SHISA6: variants seen among roughly 807,000 people sequenced by gnomAD.
The protein encoded by SHISA6 is shisa family member 6.
SHISA6 carries 22 observed loss-of-function variants against 47.9 expected under a neutral mutation model. The observed-to-expected ratio is 0.46, with a 90% CI of 0.33 to 0.66. SHISA6 has a LOEUF of 0.66. Ranked by LOEUF, SHISA6 falls within the 30% of genes least tolerant of loss-of-function variation. The pLI is 0.02. For missense variants in SHISA6, 680 were observed against 764.6 expected (o/e 0.89, Z 1.30); for synonymous variants, 388 against 337.8 (o/e 1.15, Z -1.63).
intron 3 of SHISA6, among the ~76,000 whole-genome samples, chr17:11,518,096 T>G (rs553350482): frequency 2.0e-5 from 3 of 152,254 alleles, no homozygotes; most frequent in Admixed American, 2.0e-4. Flanking sequence ...AGGCCACACA[T>G]GCAGAGGTGG....
At chr17:11,389,194 C>T (rs205060) in intron 3 of SHISA6, among the ~76,000 whole-genome samples, 59,912 of 151,806 alleles carry the variant, frequency 0.39, 12,713 homozygotes, top group East Asian at 0.64. Flanking sequence ...CACTCATATC[C>T]CTGTTTAATG....
At chr17:11,286,185 C>T (rs968152557) in intron 2 of SHISA6, among the ~76,000 whole-genome samples, 1 of 151,982 alleles carries the variant, frequency 6.6e-6, no homozygotes, top group African/African-American at 2.4e-5. Flanking sequence ...TCAGAGTGGC[C>T]TCACCCCTGC....
At chr17:11,508,234 G>A (rs1326008486) in intron 3 of SHISA6, among the ~76,000 whole-genome samples, 2 of 152,194 alleles carry the variant, frequency 1.3e-5, no homozygotes, top group African/African-American at 2.4e-5. Context: ...CACAGTCTGG[G>A]TAACTGACAC....
intron 2 of SHISA6, among the ~76,000 whole-genome samples, chr17:11,272,656 C>A (rs1194995014): frequency 6.6e-6 from 1 of 152,184 alleles, no homozygotes; most frequent in African/African-American, 2.4e-5. Flanking sequence ...GCATAGCTCA[C>A]CTGACAATCT....
chr17:11,319,073 TG>T (rs1269589550), intron 2 of SHISA6, among the ~76,000 whole-genome samples: 60 of 87,724 alleles, frequency 6.8e-4, no homozygotes, highest in Middle Eastern at 7.0e-3. Flanking sequence ...TTTCTTCTTA[TG>T]TTTTTTTTTT....
chr17:11,545,498 T>C (rs2071875820), intron 3 of SHISA6, among the ~76,000 whole-genome samples: 1 of 152,234 alleles, frequency 6.6e-6, no homozygotes, highest in Non-Finnish European at 1.5e-5. Flanking sequence ...ATTCTGATTT[T>C]GATATAGTAC....
At chr17:11,552,273 A>G (rs2071938427) in intron 4 of SHISA6, among the ~76,000 whole-genome samples, 5 of 152,172 alleles carry the variant, frequency 3.3e-5, no homozygotes. Context: ...GGAGTGGAAC[A>G]CCCTCCTTTG....
chr17:11,499,695 T>G (rs1257991306), intron 3 of SHISA6, among the ~76,000 whole-genome samples: 3 of 148,362 alleles, frequency 2.0e-5, no homozygotes, highest in Admixed American at 6.6e-5. Flanking sequence ...TTTTTTTTTT[T>G]TTTTTGTTGT....
At chr17:11,483,162 G>C (rs1003595776) in intron 3 of SHISA6, among the ~76,000 whole-genome samples, 6 of 152,078 alleles carry the variant, frequency 3.9e-5, no homozygotes, top group Non-Finnish European at 8.8e-5. Flanking sequence ...TTAGCTGGGT[G>C]TGGTGGCACG....
At chr17:11,277,872 G>A (rs535896959) in intron 2 of SHISA6, among the ~76,000 whole-genome samples, 23 of 152,212 alleles carry the variant, frequency 1.5e-4, no homozygotes, top group South Asian at 4.1e-4. Flanking sequence ...ATCATACCTC[G>A]TTTCTTTAAG....
chr17:11,500,775 T>G (rs1597553885), intron 3 of SHISA6, among the ~76,000 whole-genome samples: 1 of 152,218 alleles, frequency 6.6e-6, no homozygotes, highest in Admixed American at 6.5e-5. Context: ...TGGTGGCTGG[T>G]GTGTTGCAAT....
chr17:11,543,415 A>G (rs1343759708), intron 3 of SHISA6, among the ~76,000 whole-genome samples: 2 of 152,194 alleles, frequency 1.3e-5, no homozygotes, highest in Non-Finnish European at 2.9e-5. Flanking sequence ...TAGAAGAGCC[A>G]CTAAGAAAAC....
At chr17:11,284,607 A>T (rs1909232283) in intron 2 of SHISA6, among the ~76,000 whole-genome samples, 4 of 152,246 alleles carry the variant, frequency 2.6e-5, no homozygotes, top group Admixed American at 2.6e-4. Flanking sequence ...CTCTCTCTGT[A>T]TGGGTTCAAA....
At chr17:11,319,267 CG>C (rs1188042383) in intron 2 of SHISA6, among the ~76,000 whole-genome samples, 13 of 151,918 alleles carry the variant, frequency 8.6e-5, no homozygotes, top group African/African-American at 3.1e-4. Flanking sequence ...TTAGTGGAGA[CG>C]GGGTTTCACC....
intron 2 of SHISA6, among the ~76,000 whole-genome samples, chr17:11,350,521 A>G (rs1271008449): frequency 1.3e-5 from 2 of 151,986 alleles, no homozygotes; most frequent in Non-Finnish European, 2.9e-5. Context: ...AACCAAACCA[A>G]GAGCCTCATC....
At chr17:11,468,174 C>G (rs568036848) in intron 3 of SHISA6, among the ~76,000 whole-genome samples, 2 of 151,918 alleles carry the variant, frequency 1.3e-5, no homozygotes, top group East Asian at 1.9e-4. Flanking sequence ...GCCCATTCCA[C>G]CCCCCAGGCC....
At chr17:11,366,887 G>T (rs1381574741) in intron 2 of SHISA6, among the ~76,000 whole-genome samples, 1 of 152,166 alleles carries the variant, frequency 6.6e-6, no homozygotes, top group African/African-American at 2.4e-5. Context: ...ATATGTTGAA[G>T]TCCGAATTGC....
intron 3 of SHISA6, among the ~76,000 whole-genome samples, chr17:11,433,192 A>G (rs1914839457): frequency 6.6e-6 from 1 of 152,052 alleles, no homozygotes; most frequent in Admixed American, 6.6e-5. Flanking sequence ...TCAACCCGTC[A>G]TCTACATCAA....
chr17:11,415,476 G>A (rs1914254594), intron 3 of SHISA6, among the ~76,000 whole-genome samples: 1 of 152,120 alleles, frequency 6.6e-6, no homozygotes, highest in African/African-American at 2.4e-5. Flanking sequence ...GACTCACTGG[G>A]CTTATGTCCC....
Sources: gnomAD v4.1 joint callset for allele counts (sites outside exome capture counted in the v4.1 genomes callset) on GRCh38, gnomAD v4.1.1 for gene constraint, MANE v1.5 for transcripts, NCBI Gene and HGNC (gene_info 2026-07-23, HGNC 2026-07-21) for gene names.